Variants in SLC35F1 observed in about 807,000 individuals in gnomAD.
SLC35F1 encodes the protein solute carrier family 35 member F1.
In SLC35F1, 14 loss-of-function variants were observed where a neutral mutation model predicts 48.7. The observed-to-expected ratio is 0.29, with a 90% CI of 0.19 to 0.45. The LOEUF (loss-of-function observed/expected upper bound fraction) is 0.45. SLC35F1 is among the 20% of genes least tolerant of loss of function. The probability of loss-of-function intolerance (pLI) is 1.00; values close to 1 mark genes in which losing one functional copy is unlikely to be tolerated. For synonymous variants in SLC35F1, 190 were observed against 202.2 expected (o/e 0.94, Z 0.51); for missense variants, 404 against 500.0 (o/e 0.81, Z 1.83).
chr6:118,159,791 T>C (rs1254439775), intron 2 of SLC35F1, among the ~76,000 whole-genome samples: 3 of 152,212 alleles, frequency 2.0e-5, no homozygotes, highest in Admixed American at 6.5e-5. Context: ...TTTTTGCCCA[T>C]AAGTTTCTCT....
At chr6:118,107,221 T>C (rs1773338415) in intron 1 of SLC35F1, among the ~76,000 whole-genome samples, 1 of 152,182 alleles carries the variant, frequency 6.6e-6, no homozygotes, top group Non-Finnish European at 1.5e-5. Flanking sequence ...TTTATAAATG[T>C]TTAAAGCTGC....
intron 1 of SLC35F1, among the ~76,000 whole-genome samples, chr6:118,152,649 T>G (rs1375940290): frequency 6.6e-6 from 1 of 152,148 alleles, no homozygotes; most frequent in African/African-American, 2.4e-5. Flanking sequence ...GGGCAGAAAA[T>G]GGAAGCTGTA....
intron 1 of SLC35F1, among the ~76,000 whole-genome samples, chr6:118,131,381 G>C (rs114406567): frequency 6.6e-6 from 1 of 152,078 alleles, no homozygotes; most frequent in African/African-American, 2.4e-5. Context: ...TTTTGGCAAC[G>C]ATAGGAAGTT....
chr6:118,237,633 G>A (rs113816921), intron 3 of SLC35F1, among the ~76,000 whole-genome samples: 6,360 of 152,100 alleles, frequency 0.042, 183 homozygotes, highest in Middle Eastern at 0.082. Flanking sequence ...CAAGAGATCC[G>A]CCCACCTCAG....
chr6:118,128,217 T>C (rs1773657268), intron 1 of SLC35F1, among the ~76,000 whole-genome samples: 1 of 147,656 alleles, frequency 6.8e-6, no homozygotes, highest in Admixed American at 6.8e-5. Context: ...TTGGTGGGAC[T>C]GTAAACTAGT....
At chr6:118,299,037 C>T (rs747396814) in intron 7 of SLC35F1, among the ~76,000 whole-genome samples, 2 of 151,856 alleles carry the variant, frequency 1.3e-5, no homozygotes, top group African/African-American at 2.4e-5. Flanking sequence ...TTAAATTAGC[C>T]GGGCATGGTG....
At chr6:118,137,651 T>A (rs1773816494) in intron 1 of SLC35F1, among the ~76,000 whole-genome samples, 1 of 152,162 alleles carries the variant, frequency 6.6e-6, no homozygotes, top group African/African-American at 2.4e-5. Context: ...GTTTGCTGGT[T>A]TTATGCCAGC....
At chr6:118,178,389 C>G (rs993336888) in intron 2 of SLC35F1, among the ~76,000 whole-genome samples, 1 of 152,068 alleles carries the variant, frequency 6.6e-6, no homozygotes, top group Non-Finnish European at 1.5e-5. Context: ...ATCCTTTTTA[C>G]TTTTGTATTC....
intron 2 of SLC35F1, among the ~76,000 whole-genome samples, chr6:118,216,465 C>A (rs1271448691): frequency 2.0e-3 from 276 of 138,720 alleles, no homozygotes; most frequent in Admixed American, 3.3e-3. Flanking sequence ...ACCCCCACTT[C>A]AAAAAAAAAA....
chr6:117,907,498 G>A lies in SLC35F1; in HGVS notation c.-229G>A. On this transcript the variant is annotated 5_prime_UTR_variant, in exon 1 of 8. Coordinates refer to ENST00000360388, the MANE Select transcript of SLC35F1 (RefSeq NM_001029858.4). ...AGAGCCGGGGCGGGCGGCGGCGGCG[G>A]CGGCACGGGCGCGAGGGTGCGCGCA... 1 of 286,798 alleles carries A rather than the reference G, an allele frequency of 3.5e-6. No individual in the cohort carries two copies. Among genetic ancestry groups the A allele is most frequent in the Non-Finnish European group, 6.4e-6 (1 of 156,944 alleles). The allele number at this position is 286,798 out of a possible 1,614,324, so 17.8% of individuals were successfully genotyped here. A position where few individuals can be genotyped will look rare whatever the true frequency, so the allele number is the denominator to read the frequency against.
intron 1 of SLC35F1, among the ~76,000 whole-genome samples, chr6:118,148,067 C>T (rs942164491): frequency 2.6e-5 from 4 of 152,270 alleles, no homozygotes; most frequent in East Asian, 1.9e-4. Context: ...CATGGTAGAA[C>T]ACGCTTCTCC....
intron 1 of SLC35F1, among the ~76,000 whole-genome samples, chr6:118,006,339 A>G (rs1777174410): frequency 6.6e-6 from 1 of 152,164 alleles, no homozygotes; most frequent in Non-Finnish European, 1.5e-5. Flanking sequence ...TGATTTGGCC[A>G]GGTGTGGTGG....
chr6:118,155,367 G>T (rs775771171), intron 2 of SLC35F1, among the ~76,000 whole-genome samples: 1 of 152,174 alleles, frequency 6.6e-6, no homozygotes, highest in Non-Finnish European at 1.5e-5. Flanking sequence ...TATTAAGTAA[G>T]ATGTTACTAG....
chr6:118,105,153 C>A (rs753749549), intron 1 of SLC35F1, among the ~76,000 whole-genome samples: 1 of 152,142 alleles, frequency 6.6e-6, no homozygotes, highest in South Asian at 2.1e-4. Context: ...TGACCCAACC[C>A]CTTCTGTAGT....
chr6:118,229,772 T>C (rs1406537023), intron 2 of SLC35F1, among the ~76,000 whole-genome samples: 1 of 152,206 alleles, frequency 6.6e-6, no homozygotes, highest in Non-Finnish European at 1.5e-5. Flanking sequence ...GTGGACACTC[T>C]CTGACACATA....
intron 3 of SLC35F1, among the ~76,000 whole-genome samples, chr6:118,241,307 GA>G (rs1346795796): frequency 6.6e-6 from 1 of 152,170 alleles, no homozygotes; most frequent in African/African-American, 2.4e-5. Context: ...AAGGCATAAA[GA>G]GTCACTCCTT....
chr6:118,239,168 GA>G (rs1411007972), intron 3 of SLC35F1, among the ~76,000 whole-genome samples: 1 of 150,464 alleles, frequency 6.6e-6, no homozygotes, highest in African/African-American at 2.5e-5. Context: ...ACCAAACTGT[GA>G]GCTCTTTCAT....
chr6:118,222,966 T>C (rs1300930842), intron 2 of SLC35F1, among the ~76,000 whole-genome samples: 2 of 152,190 alleles, frequency 1.3e-5, no homozygotes, highest in East Asian at 3.9e-4. Context: ...TTGTTTCTTT[T>C]AGTGGAAATG....
At chr6:118,060,441 T>G (rs867374563) in intron 1 of SLC35F1, among the ~76,000 whole-genome samples, 24 of 151,860 alleles carry the variant, frequency 1.6e-4, no homozygotes, top group Admixed American at 6.6e-4. Context: ...TTCAATAATA[T>G]TATATTTTTT....
Sources: gnomAD v4.1 joint callset for allele counts (sites outside exome capture counted in the v4.1 genomes callset) on GRCh38, gnomAD v4.1.1 for gene constraint, MANE v1.5 for transcripts, NCBI Gene and HGNC (gene_info 2026-07-23, HGNC 2026-07-21) for gene names.